Variants in FUT8 observed in about 807,000 individuals in gnomAD.
The protein encoded by FUT8 is fucosyltransferase 8.
Under a neutral mutation model 71.3 loss-of-function variants are expected in FUT8, and 29 were observed. That is an observed-to-expected ratio of 0.41 (90% CI 0.30 to 0.55). The LOEUF (loss-of-function observed/expected upper bound fraction) is 0.55, where lower values mean the gene tolerates loss of function less well. FUT8 is among the 20% of genes least tolerant of loss of function. The probability of loss-of-function intolerance (pLI) is 0.34; values close to 1 mark genes in which losing one functional copy is unlikely to be tolerated. For missense variants in FUT8, 544 were observed against 702.1 expected (o/e 0.77, Z 2.55); for synonymous variants, 254 against 239.3 (o/e 1.06, Z -0.57).
chr14:65,650,719 A>AAAC (rs1230351092), intron 6 of FUT8, among the ~76,000 whole-genome samples: 12 of 150,470 alleles, frequency 8.0e-5, no homozygotes, highest in Admixed American at 1.3e-4. Flanking sequence ...AAAAAAAAAA[A>AAAC]AAAAAAAAAA....
At chr14:65,721,293 G>T (rs1040970701) in intron 7 of FUT8, among the ~76,000 whole-genome samples, 4 of 151,734 alleles carry the variant, frequency 2.6e-5, no homozygotes, top group Non-Finnish European at 5.9e-5. Context: ...TTTAAAAGAT[G>T]TAGATGATTG....
intron 1 of FUT8, among the ~76,000 whole-genome samples, chr14:65,435,448 T>A (rs2065540881): frequency 6.6e-6 from 1 of 152,228 alleles, no homozygotes; most frequent in African/African-American, 2.4e-5. Flanking sequence ...TTCGTTCCTT[T>A]ACATTGCTGA....
intron 3 of FUT8, among the ~76,000 whole-genome samples, chr14:65,562,632 G>A (rs1265598575): frequency 6.6e-6 from 1 of 152,070 alleles, no homozygotes; most frequent in Non-Finnish European, 1.5e-5. Context: ...TCTCAAACTA[G>A]AGAAGCTAGA....
chr14:65,430,503 A>G (rs1052990377), intron 1 of FUT8, among the ~76,000 whole-genome samples: 2 of 152,122 alleles, frequency 1.3e-5, no homozygotes, highest in African/African-American at 4.8e-5. Context: ...CATCGTTCAT[A>G]TTTTCCTGGG....
At chr14:65,512,778 G>A (rs566460125) in intron 2 of FUT8, among the ~76,000 whole-genome samples, 38 of 151,704 alleles carry the variant, frequency 2.5e-4, no homozygotes, top group Admixed American at 1.1e-3. Flanking sequence ...GCATGGTGGC[G>A]GGCGCCTGTA....
chr14:65,677,155 CGCGCGCAT>C (rs1212129858), intron 7 of FUT8, among the ~76,000 whole-genome samples: 42 of 30,102 alleles, frequency 1.4e-3, no homozygotes, highest in African/African-American at 3.4e-3. Context: ...TGTGTGTGCG[CGCGCGCAT>C]GCGCGCGCAC....
At chr14:65,599,079 A>G in intron 3 of FUT8, among the ~76,000 whole-genome samples, 1 of 152,146 alleles carries the variant, frequency 6.6e-6, no homozygotes, top group African/African-American at 2.4e-5. Flanking sequence ...GTGAGTCACC[A>G]CGCCTGGCCC....
At chr14:65,687,709 C>T (rs1287365937) in intron 7 of FUT8, among the ~76,000 whole-genome samples, 1 of 151,910 alleles carries the variant, frequency 6.6e-6, no homozygotes, top group Non-Finnish European at 1.5e-5. Flanking sequence ...TCCCCCTACC[C>T]CCTGCACCAA....
chr14:65,678,563 G>A (rs910503315), intron 7 of FUT8, among the ~76,000 whole-genome samples: 2 of 152,062 alleles, frequency 1.3e-5, no homozygotes, highest in Non-Finnish European at 2.9e-5. Flanking sequence ...GATGATGGCT[G>A]GGAGTAAAGG....
intron 7 of FUT8, among the ~76,000 whole-genome samples, chr14:65,713,417 A>T (rs1479635216): frequency 6.6e-6 from 1 of 152,176 alleles, no homozygotes; most frequent in Non-Finnish European, 1.5e-5. Context: ...GCATATACCC[A>T]GCAGTGGGAT....
chr14:65,717,193 G>A (rs1594931992), intron 7 of FUT8, among the ~76,000 whole-genome samples: 3 of 125,074 alleles, frequency 2.4e-5, no homozygotes, highest in Admixed American at 8.0e-5. Flanking sequence ...CGGGGCGGCC[G>A]GGCAGAGGCG....
intron 2 of FUT8, among the ~76,000 whole-genome samples, chr14:65,544,956 C>A (rs1287078752): frequency 6.6e-6 from 1 of 151,686 alleles, no homozygotes; most frequent in East Asian, 1.9e-4. Context: ...TTACCCTCTT[C>A]TTCTCTCTTT....
chr14:65,616,472 T>G, intron 5 of FUT8, 99 bp downstream of exon 5: 1 of 1,014,812 alleles, frequency 9.9e-7, no homozygotes, highest in Admixed American at 2.4e-5. Flanking sequence ...TGGTAAATAT[T>G]AATAGCACCT....
chr14:65,631,310 T>C (rs1479808114), intron 6 of FUT8, among the ~76,000 whole-genome samples: 1 of 152,200 alleles, frequency 6.6e-6, no homozygotes, highest in East Asian at 1.9e-4. Context: ...AGTTCTAAAC[T>C]ATGATCTAGT....
rs768065299 is a variant in FUT8 at position 65,657,511 on chromosome 14, G to A, written c.598-11732G>A. 2.4e-4 allele frequency among the ~76,000 whole-genome samples: 37 copies of A among 152,082 alleles called. 1 individual carries two copies. The highest frequency in any genetic ancestry group is 4.4e-5 in the Non-Finnish European group (3 of 68,000). On this transcript the variant is annotated intron_variant, in intron 6 of 10. Coordinates refer to ENST00000673929, the MANE Select transcript of FUT8 (RefSeq NM_001371533.1). ...CAGCCATAAAAAAGAATGAGATCCTGTCATTAGCAACAACATGGATGGAAC... is the reference window on the plus strand; with the variant it reads ...CAGCCATAAAAAAGAATGAGATCCTATCATTAGCAACAACATGGATGGAAC...
intron 1 of FUT8, among the ~76,000 whole-genome samples, chr14:65,435,641 A>C (rs1023058078): frequency 6.6e-6 from 1 of 152,224 alleles, no homozygotes; most frequent in East Asian, 1.9e-4. Context: ...AGATTGCTGG[A>C]TGATATGGTA....
intron 3 of FUT8, among the ~76,000 whole-genome samples, chr14:65,575,958 A>C (rs928963189): frequency 6.6e-5 from 10 of 152,216 alleles, no homozygotes; most frequent in African/African-American, 2.4e-4. Context: ...CAAAATATAG[A>C]TAAAAATACA....
chr14:65,467,272 AT>A lies in FUT8; in HGVS notation c.-228+11562del, dbSNP rs1332680541. Reference sequence around the variant, plus strand: ...GCATTCTAGTTTGGTATTTTATTTTATTTTTTTTAACAGCCCAGAGGTCTTA... The same window carrying A: ...GCATTCTAGTTTGGTATTTTATTTTATTTTTTTAACAGCCCAGAGGTCTTA... On this transcript the variant is annotated intron_variant, in intron 2 of 10. Transcript: ENST00000673929. This position sits in a 1 kb window ranked among gnomAD's most constrained non-coding sequence, Gnocchi z 4.1. Among the ~76,000 whole-genome samples the A allele has an allele frequency of 6.6e-6, 1 of 151,318 alleles. No homozygotes were observed. The highest frequency in any genetic ancestry group is 1.9e-4 in the East Asian group (1 of 5,152).
At chr14:65,655,112 A>G (rs1283117067) in intron 6 of FUT8, among the ~76,000 whole-genome samples, 2 of 151,988 alleles carry the variant, frequency 1.3e-5, no homozygotes, top group Non-Finnish European at 2.9e-5. Context: ...CTTCACATAT[A>G]ACGATATAGG....
Sources: gnomAD v4.1 joint callset for allele counts (sites outside exome capture counted in the v4.1 genomes callset) on GRCh38, gnomAD v4.1.1 for gene constraint, Gnocchi (gnomAD v3.1) non-coding constraint, MANE v1.5 for transcripts, NCBI Gene and HGNC (gene_info 2026-07-23, HGNC 2026-07-21) for gene names.